ERC1: variants seen among roughly 807,000 people sequenced by gnomAD.
ERC1 encodes ELKS/RAB6-interacting/CAST family member 1, also known as RAB6 interacting protein 2.
In ERC1, 56 loss-of-function variants were observed where a neutral mutation model predicts 132.0. The observed-to-expected ratio is 0.42, with a 90% CI of 0.34 to 0.53. ERC1 has a LOEUF of 0.53. ERC1 is among the 20% of genes least tolerant of loss of function. The probability of loss-of-function intolerance (pLI) is 0.03; values close to 1 mark genes in which losing one functional copy is unlikely to be tolerated. For synonymous variants in ERC1, 478 were observed against 476.1 expected, an observed-to-expected ratio of 1.00 and a Z score of -0.05; for missense variants, 1,202 against 1,349.9, an observed-to-expected ratio of 0.89 and a Z score of 1.72.
At chr12:1,066,381 T>C (rs1046587263) in intron 2 of ERC1, among the ~76,000 whole-genome samples, 2 of 152,238 alleles carry the variant, frequency 1.3e-5, no homozygotes, top group Non-Finnish European at 2.9e-5. Flanking sequence ...ATAATGGCTT[T>C]AAACTGCTTT....
intron 15 of ERC1, among the ~76,000 whole-genome samples, chr12:1,358,261 A>G (rs949806427): frequency 8.0e-5 from 12 of 150,496 alleles, no homozygotes; most frequent in Non-Finnish European, 1.6e-4. Flanking sequence ...CAAATAATAC[A>G]TTAGATAGAA....
At position 1,495,231 on chromosome 12, in the gene ERC1, AGCACGGGTGAGCACTGGCCAGCCT is replaced by A. The variant is rs2094348184; in HGVS notation, c.*5003_*5026del. The stretch of plus-strand genomic sequence containing the variant: ...GTGCTATCTCTTCCAGTGACCACCC[AGCACGGGTGAGCACTGGCCAGCCT>A]GGAGCCTGCAATCCAGGTGGAACAG... On this transcript the variant is annotated 3_prime_UTR_variant, in exon 19 of 19. Transcript: ENST00000360905. The A allele has an allele frequency of 4.3e-6, 1 of 230,422 alleles. No individual in the cohort carries two copies. The highest frequency in any genetic ancestry group is 1.8e-4 in the South Asian group (1 of 5,510). The allele number at this position is 230,422 out of a possible 1,614,324, so 14.3% of individuals were successfully genotyped here.
At chr12:1,195,079 G>A (rs1294823654) in intron 12 of ERC1, among the ~76,000 whole-genome samples, 1 of 151,050 alleles carries the variant, frequency 6.6e-6, no homozygotes, top group Non-Finnish European at 1.5e-5. Flanking sequence ...TCTATAAGAA[G>A]TCCGCAGAAG....
At chr12:1,083,733 C>T (rs1402384229) in intron 3 of ERC1, among the ~76,000 whole-genome samples, 153 bp downstream of exon 3, 2 of 152,058 alleles carry the variant, frequency 1.3e-5, no homozygotes, top group African/African-American at 4.8e-5. Context: ...GATTTCTGTT[C>T]TGATTTGCCC....
At chr12:1,357,234 G>A (rs752918317) in intron 15 of ERC1, among the ~76,000 whole-genome samples, 5 of 152,186 alleles carry the variant, frequency 3.3e-5, no homozygotes, top group Non-Finnish European at 7.3e-5. Flanking sequence ...TTTGCTGGAG[G>A]TGGAGACCTG....
At chr12:1,460,792 C>T (rs1446508375) in intron 18 of ERC1, among the ~76,000 whole-genome samples, 1 of 150,924 alleles carries the variant, frequency 6.6e-6, no homozygotes, top group African/African-American at 2.4e-5. Flanking sequence ...CCCCCTCCTC[C>T]CAGTTTTAGG....
At chr12:1,106,226 CT>C (rs1315581118) in intron 4 of ERC1, among the ~76,000 whole-genome samples, 4 of 152,146 alleles carry the variant, frequency 2.6e-5, no homozygotes, top group African/African-American at 9.7e-5. Flanking sequence ...TGTAAAAACA[CT>C]TTGAACAGGA....
intron 3 of ERC1, among the ~76,000 whole-genome samples, chr12:1,100,829 T>C (rs1026014941): frequency 1.2e-4 from 19 of 152,114 alleles, no homozygotes; most frequent in Admixed American, 9.2e-4. Context: ...TTGGGAGTTA[T>C]CAGTATGTGC....
intron 1 of ERC1, among the ~76,000 whole-genome samples, chr12:1,014,537 G>A (rs569471238): frequency 2.0e-5 from 3 of 152,264 alleles, no homozygotes; most frequent in East Asian, 3.9e-4. Context: ...AGAAAAGTAT[G>A]TAAGTAAGGA....
At chr12:1,347,246 A>G (rs2154365003) in intron 15 of ERC1, among the ~76,000 whole-genome samples, 1 of 152,330 alleles carries the variant, frequency 6.6e-6, no homozygotes, top group Non-Finnish European at 1.5e-5. Context: ...CTACTTTGAA[A>G]AGGGAAGTTG....
At chr12:1,011,010 A>G (rs1964595876) in intron 1 of ERC1, among the ~76,000 whole-genome samples, 1 of 152,146 alleles carries the variant, frequency 6.6e-6, no homozygotes, top group South Asian at 2.1e-4. Flanking sequence ...GTCTGAAATA[A>G]TATTAGGCAT....
At position 1,187,169 on chromosome 12, in the gene ERC1, G is replaced by A. The variant is rs556598511; in HGVS notation, c.2158-2690G>A. Among the ~76,000 whole-genome samples the A allele has an allele frequency of 5.9e-5, 9 of 152,104 alleles. No homozygotes were observed. In the South Asian group the frequency reaches 1.9e-3, roughly 32 times the overall value. ...CTTTTAAAGGGATGTTTATAACACT[G>A]ATTTGAAAAATATGCCTTTTTTTGA... is the stretch of plus-strand genomic sequence containing the variant. On this transcript the variant is annotated intron_variant, in intron 11 of 18. Coordinates refer to ENST00000360905, the MANE Select transcript of ERC1 (RefSeq NM_178040.4).
intron 12 of ERC1, among the ~76,000 whole-genome samples, chr12:1,212,388 C>G (rs937814787): frequency 2.0e-5 from 3 of 152,166 alleles, no homozygotes; most frequent in Middle Eastern, 3.4e-3. Context: ...ACTGTTTTTC[C>G]AGGAAGCCTT....
intron 8 of ERC1, among the ~76,000 whole-genome samples, chr12:1,165,308 A>ATT (rs751438062): frequency 1.4e-5 from 2 of 143,934 alleles, no homozygotes; most frequent in Non-Finnish European, 1.5e-5. Flanking sequence ...ATGCAGGAGA[A>ATT]TTTTTTTTTT....
intron 18 of ERC1, among the ~76,000 whole-genome samples, chr12:1,446,241 G>A (rs1032453658): frequency 1.3e-5 from 2 of 151,952 alleles, no homozygotes; most frequent in Admixed American, 6.6e-5. Flanking sequence ...AAAAAATCAG[G>A]AATAAAAGAA....
At chr12:1,401,597 CT>C (rs966085467) in intron 16 of ERC1, among the ~76,000 whole-genome samples, 1 of 152,114 alleles carries the variant, frequency 6.6e-6, no homozygotes, top group Non-Finnish European at 1.5e-5. Flanking sequence ...TTTAGGCTCT[CT>C]GTACCTCAAT....
Position 1,110,353 on chromosome 12 carries a change from G to A in ERC1, c.1317+6G>A, listed in dbSNP as rs1945717453. 4.4e-6 allele frequency: 7 copies of A among 1,587,772 alleles called. No individual in the cohort carries two copies. Among genetic ancestry groups the A allele is most frequent in the African/African-American group, 2.7e-5 (2 of 73,542 alleles). On this transcript the variant is annotated splice_donor_region_variant and intron_variant, in intron 5 of 18. Transcript: ENST00000360905. ...CTAAATTTATGAAAAATAAGGTAATGGCATGTGAGACTTTTGATTCTTAAA... is the reference window on the plus strand; with the variant it reads ...CTAAATTTATGAAAAATAAGGTAATAGCATGTGAGACTTTTGATTCTTAAA...
intron 15 of ERC1, among the ~76,000 whole-genome samples, chr12:1,355,877 G>A (rs1048464725): frequency 3.9e-5 from 6 of 152,098 alleles, no homozygotes; most frequent in African/African-American, 9.7e-5. Flanking sequence ...TGGCTTTAAC[G>A]TAAGGTAAAA....
chr12:1,117,261 A>T lies in ERC1; in HGVS notation c.1569+1228A>T, dbSNP rs576467150. On this transcript the variant is annotated intron_variant, in intron 7 of 18. Coordinates refer to ENST00000360905, the MANE Select transcript of ERC1 (RefSeq NM_178040.4). ...GGAAAAGAAAGAATAAAAACCTCAT[A>T]GTCTTAGAAGACAAGAATCTTCCAA... is the stretch of plus-strand genomic sequence containing the variant. Among the ~76,000 whole-genome samples, 3 of 152,356 alleles carry T rather than the reference A, an allele frequency of 2.0e-5. No individual in the cohort carries two copies. In the South Asian group the frequency reaches 6.2e-4, roughly 32 times the overall value.
Sources: gnomAD v4.1 joint callset for allele counts (sites outside exome capture counted in the v4.1 genomes callset) on GRCh38, gnomAD v4.1.1 for gene constraint, MANE v1.5 for transcripts, NCBI Gene and HGNC (gene_info 2026-07-23, HGNC 2026-07-21) for gene names.